SLC4A10: variants seen among roughly 807,000 people sequenced by gnomAD.
SLC4A10 encodes solute carrier family 4 member 10.
SLC4A10 carries 42 observed loss-of-function variants against 137.7 expected under a neutral mutation model. The observed-to-expected ratio is 0.30, with a 90% CI of 0.24 to 0.39. The LOEUF (loss-of-function observed/expected upper bound fraction) is 0.39. Among genes scored for constraint, SLC4A10 ranks in the 10% least tolerant of loss-of-function variants. The pLI is 1.00. For missense variants in SLC4A10, 925 were observed against 1,355.0 expected, an observed-to-expected ratio of 0.68 and a Z score of 4.98; for synonymous variants, 474 against 464.1, an observed-to-expected ratio of 1.02 and a Z score of -0.27.
intron 1 of SLC4A10, among the ~76,000 whole-genome samples, chr2:161,766,816 G>T: frequency 6.6e-6 from 1 of 150,770 alleles, no homozygotes. Context: ...TGTGAATCCT[G>T]TTTTATTTTC....
chr2:161,767,944 AG>A (rs1269442259), intron 1 of SLC4A10, among the ~76,000 whole-genome samples: 1 of 152,020 alleles, frequency 6.6e-6, no homozygotes, highest in African/African-American at 2.4e-5. Flanking sequence ...CTCAGAAAAA[AG>A]GTGTCCCTAT....
At chr2:161,754,277 T>C (rs1196151663) in intron 1 of SLC4A10, among the ~76,000 whole-genome samples, 1 of 152,116 alleles carries the variant, frequency 6.6e-6, no homozygotes, top group Non-Finnish European at 1.5e-5. Context: ...AAATGGCCTG[T>C]AAATAGCCCA....
At chr2:161,979,522 A>G (rs1318331394) in intron 26 of SLC4A10, among the ~76,000 whole-genome samples, 1 of 152,198 alleles carries the variant, frequency 6.6e-6, no homozygotes, top group Non-Finnish European at 1.5e-5. Context: ...GTGGTTTTCC[A>G]TGTGAGAAAC....
chr2:161,817,965 T>C (rs1365489104), intron 3 of SLC4A10, among the ~76,000 whole-genome samples: 219 of 139,290 alleles, frequency 1.6e-3, no homozygotes, highest in East Asian at 3.4e-3. Context: ...TGATGTGGGT[T>C]CTTTTTTGGT....
At chr2:161,660,661 C>CTTCTTTCTTTCTTTCTTTCTTT (rs1558970156) in intron 1 of SLC4A10, among the ~76,000 whole-genome samples, 7 of 130,058 alleles carry the variant, frequency 5.4e-5, no homozygotes, top group African/African-American at 1.7e-4. Flanking sequence ...TCTTTCTTTC[C>CTTCTTTCTTTCTTTCTTTCTTT]TTTTTTTTTT....
rs113179964 is a variant in SLC4A10 at position 161,918,213 on chromosome 2, C to T, written c.1997+12326C>T. Among the ~76,000 whole-genome samples, 153 of 152,190 alleles carry T rather than the reference C, an allele frequency of 1.0e-3. 2 individuals are homozygous for T. Among genetic ancestry groups the T allele is most frequent in the African/African-American group, 3.4e-3 (140 of 41,524 alleles). The stretch of plus-strand genomic sequence containing the variant: ...CTCTGTCACCCAGGCTGGCGTGCAG[C>T]GGTGCAATCTCAGCTCACTGCAACC... On this transcript the variant is annotated intron_variant, in intron 15 of 26. Coordinates refer to ENST00000446997, the MANE Select transcript of SLC4A10 (RefSeq NM_001178015.2).
intron 1 of SLC4A10, among the ~76,000 whole-genome samples, chr2:161,722,364 T>C (rs752346781): frequency 6.6e-6 from 1 of 152,226 alleles, no homozygotes; most frequent in Non-Finnish European, 1.5e-5. Context: ...ATGGGGTTTT[T>C]GTGGGGTTCT....
At chr2:161,778,082 A>G (rs1043734058) in intron 2 of SLC4A10, among the ~76,000 whole-genome samples, 2 of 151,046 alleles carry the variant, frequency 1.3e-5, no homozygotes, top group Non-Finnish European at 1.5e-5. Flanking sequence ...CTTATAACAT[A>G]ATTTCTGCTA....
intron 1 of SLC4A10, among the ~76,000 whole-genome samples, chr2:161,690,966 A>T (rs962672097): frequency 2.0e-5 from 3 of 152,140 alleles, no homozygotes; most frequent in African/African-American, 7.2e-5. Flanking sequence ...TTAAATTAAA[A>T]AAAAGAAATT....
rs34235632 is a variant in SLC4A10, at chr2:161,978,206, G to A, written c.*26+446G>A. Among the ~76,000 whole-genome samples the A allele has an allele frequency of 4.2e-3, 645 of 151,944 alleles. 6 individuals carry two copies. The highest frequency in any genetic ancestry group is 0.015 in the African/African-American group (604 of 41,454). On this transcript the variant is annotated intron_variant, in intron 26 of 26. Coordinates refer to ENST00000446997, the MANE Select transcript of SLC4A10 (RefSeq NM_001178015.2). ...TCGAGACAAGCTTCGTCAACATGGT[G>A]AAACCTTTTCTGTACTAAAAATACA...
In SLC4A10 at chr2:161,984,485, T is replaced by A. The variant is rs953624804; in HGVS notation, c.*1333T>A. 1 of 152,108 alleles carries A rather than the reference T, an allele frequency of 6.6e-6. No homozygotes were observed. The highest frequency in any genetic ancestry group is 2.4e-5 in the African/African-American group (1 of 41,444). 9.4% of individuals were successfully genotyped at this position (152,108 alleles called of 1,614,324 possible). A position where few individuals can be genotyped will look rare whatever the true frequency, so the allele number is the denominator to read the frequency against. ...TCATCAACTTTATAATACTCCAATA[T>A]TCCGTTTTATAATAATTCAGAGCCC... On this transcript the variant is annotated 3_prime_UTR_variant, in exon 27 of 27. Coordinates refer to ENST00000446997, the MANE Select transcript of SLC4A10 (RefSeq NM_001178015.2).
At chr2:161,926,384 T>G in intron 15 of SLC4A10, among the ~76,000 whole-genome samples, 1 of 71,356 alleles carries the variant, frequency 1.4e-5, no homozygotes, top group African/African-American at 4.2e-5. Context: ...TGCCTTTTTT[T>G]GGTTTTTTTT....
chr2:161,938,219 C>T (rs1047663377), intron 15 of SLC4A10, among the ~76,000 whole-genome samples: 9 of 152,150 alleles, frequency 5.9e-5, no homozygotes, highest in Admixed American at 1.3e-4. Flanking sequence ...TGCAGTGAAC[C>T]GAGATCATGC....
intron 1 of SLC4A10, among the ~76,000 whole-genome samples, chr2:161,742,140 A>G (rs2125250151): frequency 6.6e-6 from 1 of 152,296 alleles, no homozygotes; most frequent in East Asian, 1.9e-4. Flanking sequence ...TCCATATTGC[A>G]TCAATTCACA....
chr2:161,729,628 A>G (rs934114985), intron 1 of SLC4A10, among the ~76,000 whole-genome samples: 3 of 151,648 alleles, frequency 2.0e-5, no homozygotes, highest in African/African-American at 7.2e-5. Flanking sequence ...TTTTTTTTTC[A>G]CAGAGGAAGT....
intron 1 of SLC4A10, among the ~76,000 whole-genome samples, chr2:161,768,907 A>T (rs1018521802): frequency 6.6e-6 from 1 of 151,962 alleles, no homozygotes; most frequent in Non-Finnish European, 1.5e-5. Context: ...AAGAGACCAT[A>T]GAGCTCTTCA....
intron 4 of SLC4A10, among the ~76,000 whole-genome samples, chr2:161,846,183 AAAG>A (rs1264410568): frequency 6.6e-6 from 1 of 152,202 alleles, no homozygotes; most frequent in African/African-American, 2.4e-5. Context: ...ACATTTCACC[AAAG>A]AAGAGATACA....
intron 15 of SLC4A10, among the ~76,000 whole-genome samples, chr2:161,924,288 A>C (rs1351829394): frequency 6.6e-6 from 1 of 152,036 alleles, no homozygotes; most frequent in Non-Finnish European, 1.5e-5. Context: ...TTTATTTAGC[A>C]TATCTATTTT....
intron 26 of SLC4A10, among the ~76,000 whole-genome samples, chr2:161,979,059 A>AT (rs2106005417): frequency 6.6e-6 from 1 of 152,246 alleles, no homozygotes; most frequent in South Asian, 2.1e-4. Flanking sequence ...CATTTCTCTG[A>AT]TTTTTTAGAA....
Sources: gnomAD v4.1 joint callset for allele counts (sites outside exome capture counted in the v4.1 genomes callset) on GRCh38, gnomAD v4.1.1 for gene constraint, MANE v1.5 for transcripts, NCBI Gene and HGNC (gene_info 2026-07-23, HGNC 2026-07-21) for gene names.